DSCAM: variants seen among roughly 807,000 people sequenced by gnomAD.
DSCAM encodes the protein DS cell adhesion molecule, also known as cell adhesion molecule DSCAM.
In DSCAM, 47 loss-of-function variants were observed where a neutral mutation model predicts 217.7. That is an observed-to-expected ratio of 0.22 (90% CI 0.17 to 0.28). The LOEUF (loss-of-function observed/expected upper bound fraction) is 0.28, where lower values mean the gene tolerates loss of function less well. DSCAM is among the 10% of genes least tolerant of loss of function. The probability of loss-of-function intolerance (pLI) is 1.00; values close to 1 mark genes in which losing one functional copy is unlikely to be tolerated. For missense variants in DSCAM, 2,080 were observed against 2,618.3 expected, an observed-to-expected ratio of 0.79 and a Z score of 4.49; for synonymous variants, 1,056 against 1,015.3, an observed-to-expected ratio of 1.04 and a Z score of -0.76.
chr21:40,570,064 A>G (rs1422395640), intron 3 of DSCAM, among the ~76,000 whole-genome samples: 1 of 152,162 alleles, frequency 6.6e-6, no homozygotes, highest in Non-Finnish European at 1.5e-5. Context: ...AGGGCAGTCC[A>G]TTGATGCAAA....
chr21:40,737,600 C>T (rs2091077986), intron 1 of DSCAM, among the ~76,000 whole-genome samples: 1 of 152,186 alleles, frequency 6.6e-6, no homozygotes, highest in Non-Finnish European at 1.5e-5. Flanking sequence ...GAGATTGCAC[C>T]ACTTAACTCC....
chr21:40,672,229 G>A (rs1395110484), intron 3 of DSCAM, among the ~76,000 whole-genome samples: 2 of 151,936 alleles, frequency 1.3e-5, no homozygotes, highest in East Asian at 3.9e-4. Flanking sequence ...ATGGCTTTTA[G>A]AGAGGGACAT....
intron 29 of DSCAM, among the ~76,000 whole-genome samples, chr21:40,055,481 T>C (rs2088999847): frequency 1.3e-5 from 2 of 152,322 alleles, no homozygotes; most frequent in Middle Eastern, 3.4e-3. Flanking sequence ...GAGGGATTTC[T>C]GTCCCAAATG....
intron 3 of DSCAM, among the ~76,000 whole-genome samples, chr21:40,448,823 G>C (rs1430425095): frequency 6.6e-6 from 1 of 151,996 alleles, no homozygotes; most frequent in African/African-American, 2.4e-5. Flanking sequence ...GCTAAATCTT[G>C]TTCATATTTA....
intron 3 of DSCAM, among the ~76,000 whole-genome samples, chr21:40,686,370 T>TAC (rs1043670509): frequency 8.8e-5 from 13 of 148,008 alleles, no homozygotes; most frequent in Non-Finnish European, 1.8e-4. Flanking sequence ...CCACACACAC[T>TAC]ACACACACAT....
At chr21:40,617,542 G>C (rs997465386) in intron 3 of DSCAM, among the ~76,000 whole-genome samples, 1 of 152,180 alleles carries the variant, frequency 6.6e-6, no homozygotes, top group South Asian at 2.1e-4. Context: ...CTGGCTCCCA[G>C]GTACTGTAAC....
rs2089409703 is a variant in DSCAM at position 40,078,846 on chromosome 21, T to C, written c.4552A>G (p.Thr1518Ala). ...CTCTGAGCTGTGGTCCAAACTGTGG[T>C]CCCAAAGGGCCTGTACTCTAGTGTG... ...SFTLEYRPFG[T>A]TVWTTAQRTS... The change falls in exon 26 of 33, where the codon ACC (threonine) becomes GCC (alanine). Residue 1518 changes from threonine to alanine, a missense_variant. Thr to Ala is a moderately conservative substitution (Grantham distance 58, BLOSUM62 0). Around this residue, in one of 5 missense-constraint regions of DSCAM, gnomAD observed 1,144 missense variants for 1,421.1 expected, o/e 0.81. Coordinates refer to ENST00000400454, the MANE Select transcript of DSCAM (RefSeq NM_001389.5). 2 of 1,614,186 alleles carry C rather than the reference T, an allele frequency of 1.2e-6. No homozygotes were observed. Among genetic ancestry groups the C allele is most frequent in the Non-Finnish European group, 1.7e-6 (2 of 1,180,034 alleles).
In DSCAM at chr21:40,686,437, C is replaced by G. The variant is rs375999318; in HGVS notation, c.508+6373G>C. ...TGCACACACCACACCAAACACCACA[C>G]ACATATGTGGACACGCACATCACAC... is the stretch of plus-strand genomic sequence containing the variant. On this transcript the variant is annotated intron_variant, in intron 3 of 32. Transcript: ENST00000400454. 2.0e-5 allele frequency among the ~76,000 whole-genome samples: 3 copies of G among 152,202 alleles called. No individual in the cohort carries two copies. In the East Asian group the frequency reaches 5.8e-4, roughly 29 times the overall value.
rs184150996 is a variant in DSCAM at position 40,427,821 on chromosome 21, C to A, written c.509-58576G>T. On this transcript the variant is annotated intron_variant, in intron 3 of 32. Coordinates refer to ENST00000400454, the MANE Select transcript of DSCAM (RefSeq NM_001389.5). ...TGGTGCTGCTATGTCTTCCTGTGAG[C>A]TTTGATTGAAGATGTCATCCAGTTG... Among the ~76,000 whole-genome samples the A allele has an allele frequency of 5.0e-3, 755 of 152,318 alleles. 2 individuals carry two copies. Among genetic ancestry groups the A allele is most frequent in the Non-Finnish European group, 8.3e-3 (566 of 68,028 alleles).
intron 16 of DSCAM, among the ~76,000 whole-genome samples, chr21:40,146,089 C>G (rs2090353738): frequency 6.6e-6 from 1 of 152,090 alleles, no homozygotes; most frequent in Non-Finnish European, 1.5e-5. Context: ...CTTTCTCCGT[C>G]CTGAAAGTGT....
chr21:40,171,887 A>C (rs1439788063), intron 15 of DSCAM, among the ~76,000 whole-genome samples: 1 of 152,224 alleles, frequency 6.6e-6, no homozygotes, highest in Non-Finnish European at 1.5e-5. Flanking sequence ...TTCCAATGCA[A>C]AATGTATTAA....
Position 40,594,924 on chromosome 21 carries a change from T to C in DSCAM, c.508+97886A>G, listed in dbSNP as rs1451305199. ...TGCTCTTGAGCCCAATTCTATGTGC[T>C]CCCTGATGGAAGGACAGGTAGGTAT... On this transcript the variant is annotated intron_variant, in intron 3 of 32. Coordinates refer to ENST00000400454, the MANE Select transcript of DSCAM (RefSeq NM_001389.5). 2.0e-5 allele frequency among the ~76,000 whole-genome samples: 3 copies of C among 152,098 alleles called. No homozygotes were observed. In the East Asian group the frequency reaches 5.8e-4, roughly 30 times the overall value.
intron 1 of DSCAM, among the ~76,000 whole-genome samples, chr21:40,843,251 T>A (rs2092116674): frequency 6.6e-6 from 1 of 152,112 alleles, no homozygotes; most frequent in Non-Finnish European, 1.5e-5. Flanking sequence ...ATGAGCACCT[T>A]CTTACTCCCA....
intron 11 of DSCAM, among the ~76,000 whole-genome samples, chr21:40,225,840 C>A (rs2091328310): frequency 6.6e-6 from 1 of 152,174 alleles, no homozygotes; most frequent in South Asian, 2.1e-4. Context: ...GTCCCCCTGT[C>A]CTCCAACACC....
intron 21 of DSCAM, among the ~76,000 whole-genome samples, chr21:40,087,883 C>G (rs2089553107): frequency 6.6e-6 from 1 of 152,190 alleles, no homozygotes; most frequent in Non-Finnish European, 1.5e-5. Context: ...CCAGGGGCAT[C>G]TGGTACTGGT....
chr21:40,163,080 C>T (rs1329920785), intron 16 of DSCAM, among the ~76,000 whole-genome samples: 3 of 144,808 alleles, frequency 2.1e-5, no homozygotes, highest in African/African-American at 7.7e-5. Flanking sequence ...AACACACACA[C>T]ACACACACAC....
intron 17 of DSCAM, 60 bp from the exon 18 acceptor site, chr21:40,142,764 C>T (rs2090308672): frequency 1.3e-6 from 2 of 1,492,774 alleles, no homozygotes; most frequent in Non-Finnish European, 9.0e-7. Context: ...AAAGCAATAA[C>T]CGAAAAAGCA....
At chr21:40,367,271 C>A (rs1167163833) in intron 4 of DSCAM, among the ~76,000 whole-genome samples, 1 of 152,170 alleles carries the variant, frequency 6.6e-6, no homozygotes, top group African/African-American at 2.4e-5. Flanking sequence ...ACCATAAACC[C>A]AACAGGCTGA....
chr21:40,607,794 T>C (rs1360405181), intron 3 of DSCAM, among the ~76,000 whole-genome samples: 1 of 152,210 alleles, frequency 6.6e-6, no homozygotes, highest in Non-Finnish European at 1.5e-5. Context: ...TGTGAGTCCA[T>C]TAAACCTCTT....
Sources: gnomAD v4.1 joint callset for allele counts (sites outside exome capture counted in the v4.1 genomes callset) on GRCh38, gnomAD v4.1.1 for gene constraint, gnomAD v4.1.1 regional missense constraint, MANE v1.5 for transcripts, NCBI Gene and HGNC (gene_info 2026-07-23, HGNC 2026-07-21) for gene names.